Variants in ABCC9 observed in about 807,000 individuals in gnomAD.
ABCC9 encodes the protein ATP binding cassette subfamily C member 9, also known as ATP-binding cassette sub-family C member 9.
ABCC9 carries 95 observed loss-of-function variants against 188.3 expected under a neutral mutation model. The observed-to-expected ratio is 0.50, with a 90% CI of 0.43 to 0.60. ABCC9 has a LOEUF of 0.60. ABCC9 is among the 20% of genes least tolerant of loss of function. ABCC9 has a pLI of 0.00. For synonymous variants in ABCC9, 659 were observed against 652.7 expected (o/e 1.01, Z -0.15); for missense variants, 1,102 against 1,876.3 (o/e 0.59, Z 7.62).
intron 31 of ABCC9, among the ~76,000 whole-genome samples, chr12:21,822,640 A>T (rs1943114581): frequency 1.3e-5 from 2 of 151,964 alleles, no homozygotes; most frequent in South Asian, 4.1e-4. Flanking sequence ...TCTACACAAA[A>T]ATTAGCTGGG....
At chr12:21,935,406 T>C (rs1208879032) in intron 3 of ABCC9, among the ~76,000 whole-genome samples, 2 of 152,154 alleles carry the variant, frequency 1.3e-5, no homozygotes, top group Non-Finnish European at 2.9e-5. Flanking sequence ...CCTGTGTATA[T>C]ACCATATGAT....
chr12:21,926,094 C>A, intron 4 of ABCC9, 31 bp from the exon 5 acceptor site: 1 of 1,613,816 alleles, frequency 6.2e-7, no homozygotes, highest in South Asian at 1.1e-5. Flanking sequence ...ACGCCTAAAG[C>A]TGATGGTTCC....
At chr12:21,870,593 A>G (rs1016935266) in intron 18 of ABCC9, among the ~76,000 whole-genome samples, 16 of 152,138 alleles carry the variant, frequency 1.1e-4, no homozygotes, top group East Asian at 1.9e-4. Flanking sequence ...GAGAAAATCA[A>G]TCTCTACTGA....
At chr12:21,931,219 G>A (rs1296458557) in intron 4 of ABCC9, among the ~76,000 whole-genome samples, 5 of 152,004 alleles carry the variant, frequency 3.3e-5, no homozygotes, top group Admixed American at 3.3e-4. Context: ...CATTATCAGT[G>A]AGTTCTCACG....
chr12:21,920,005 T>C (rs1421529704), intron 5 of ABCC9, among the ~76,000 whole-genome samples: 3 of 152,112 alleles, frequency 2.0e-5, no homozygotes, highest in South Asian at 4.1e-4. Context: ...TCCTAATGGA[T>C]ACAGGAAAAA....
intron 12 of ABCC9, among the ~76,000 whole-genome samples, chr12:21,895,958 G>T (rs1947382832): frequency 6.6e-6 from 1 of 151,894 alleles, no homozygotes; most frequent in Non-Finnish European, 1.5e-5. Flanking sequence ...AAGCCAAGTT[G>T]TTGATTTATA....
intron 20 of ABCC9, among the ~76,000 whole-genome samples, chr12:21,861,495 G>A (rs748616024): frequency 2.0e-5 from 3 of 152,134 alleles, no homozygotes; most frequent in Non-Finnish European, 2.9e-5. Flanking sequence ...GCCTCCCAAA[G>A]TGCTAGGATT....
chr12:21,903,639 GACAA>G (rs1343332160), intron 12 of ABCC9, among the ~76,000 whole-genome samples: 2 of 152,108 alleles, frequency 1.3e-5, no homozygotes, highest in African/African-American at 4.8e-5. Flanking sequence ...ACCAATAGTA[GACAA>G]ACAGAGAGCC....
At chr12:21,921,187 A>G (rs1220523636) in intron 5 of ABCC9, among the ~76,000 whole-genome samples, 2 of 152,226 alleles carry the variant, frequency 1.3e-5, no homozygotes, top group African/African-American at 4.8e-5. Context: ...CATTTCCACC[A>G]ATAGTGTACA....
At chr12:21,859,188 A>C (rs549494069) in intron 22 of ABCC9, among the ~76,000 whole-genome samples, 1 of 152,156 alleles carries the variant, frequency 6.6e-6, no homozygotes, top group Non-Finnish European at 1.5e-5. Context: ...GTTGCACAGC[A>C]CTGGAATGGG....
chr12:21,878,571 TACAAAG>T (rs1946478137), intron 16 of ABCC9, among the ~76,000 whole-genome samples: 2 of 152,096 alleles, frequency 1.3e-5, no homozygotes, highest in Admixed American at 1.3e-4. Flanking sequence ...GTGTGGCACA[TACAAAG>T]ACAGAACGGT....
chr12:21,860,090 T>TA (rs1396501186), intron 21 of ABCC9, among the ~76,000 whole-genome samples: 2 of 94,098 alleles, frequency 2.1e-5, no homozygotes, highest in Non-Finnish European at 4.2e-5. Flanking sequence ...CACTTACACT[T>TA]TAAAAAAAAA....
intron 18 of ABCC9, 38 bp from the exon 19 acceptor site, chr12:21,864,515 T>A: frequency 7.0e-7 from 1 of 1,428,526 alleles, no homozygotes; most frequent in Non-Finnish European, 9.9e-7. Context: ...AATTATGAAG[T>A]AGAAATATAG....
intron 18 of ABCC9, among the ~76,000 whole-genome samples, chr12:21,868,854 TTTAA>T (rs1945919398): frequency 6.6e-6 from 1 of 152,216 alleles, no homozygotes; most frequent in African/African-American, 2.4e-5. Context: ...TTAGCTTAGC[TTTAA>T]TTAATAGTTA....
At chr12:21,857,762 G>A (rs1160802947) in intron 22 of ABCC9, among the ~76,000 whole-genome samples, 2 of 152,178 alleles carry the variant, frequency 1.3e-5, no homozygotes, top group African/African-American at 4.8e-5. Flanking sequence ...AATGTAGGCA[G>A]CTTGTAAACG....
At chr12:21,899,649 C>T (rs1015030632) in intron 12 of ABCC9, among the ~76,000 whole-genome samples, 2 of 152,242 alleles carry the variant, frequency 1.3e-5, no homozygotes, top group Non-Finnish European at 2.9e-5. Context: ...GCAAACAGCA[C>T]ACCAGGACAT....
rs74067805 is a variant in ABCC9 at position 21,857,716 on chromosome 12, G to T, written c.2505+1870C>A. ...TAGTCAGAGAGACATCATGTTGCTG[G>T]CTTCAAAGGTGGAGGAAGGCAGGCG... On this transcript the variant is annotated intron_variant, in intron 22 of 39. Coordinates refer to ENST00000261200, the MANE Select transcript of ABCC9 (RefSeq NM_020297.4). Among the ~76,000 whole-genome samples the T allele has an allele frequency of 2.2e-3, 336 of 152,264 alleles. 8 individuals carry two copies. The highest frequency in any genetic ancestry group is 7.9e-3 in the African/African-American group (329 of 41,552).
intron 22 of ABCC9, among the ~76,000 whole-genome samples, chr12:21,857,754 T>G (rs1289693407): frequency 2.0e-5 from 3 of 152,126 alleles, no homozygotes; most frequent in Non-Finnish European, 4.4e-5. Flanking sequence ...AGACAAAGAA[T>G]GTAGGCAGCT....
At chr12:21,871,823 C>A (rs1946097672) in intron 18 of ABCC9, among the ~76,000 whole-genome samples, 1 of 152,136 alleles carries the variant, frequency 6.6e-6, no homozygotes, top group Non-Finnish European at 1.5e-5. Context: ...CCAAATGTCC[C>A]CGGGGACAAA....
Sources: gnomAD v4.1 joint callset for allele counts (sites outside exome capture counted in the v4.1 genomes callset) on GRCh38, gnomAD v4.1.1 for gene constraint, MANE v1.5 for transcripts, NCBI Gene and HGNC (gene_info 2026-07-23, HGNC 2026-07-21) for gene names.